Variants in TMEM67 observed in about 807,000 individuals in gnomAD.
TMEM67 encodes meckelin.
A neutral mutation model predicts 136.6 loss-of-function variants in TMEM67; 124 were observed. That is an observed-to-expected ratio of 0.91 (90% confidence interval 0.78 to 1.05). The LOEUF is 1.05. Among genes scored for constraint, TMEM67 ranks in the 50% least tolerant of loss-of-function variants. The pLI, the probability that TMEM67 is intolerant of heterozygous loss-of-function variation, is 0.00. For synonymous variants in TMEM67, 364 were observed against 390.5 expected (o/e 0.93, Z 0.80); for missense variants, 1,107 against 1,178.4 (o/e 0.94, Z 0.89).
chr8:93,816,265 T>C, intron 27 of TMEM67, 107 bp from the exon 28 acceptor site: 1 of 549,478 alleles, frequency 1.8e-6, no homozygotes, highest in Non-Finnish European at 3.3e-6. Flanking sequence ...ACCTGATACA[T>C]GAAAATAGTT....
chr8:93,827,033 G>C, the TMEM67 span, among the ~76,000 whole-genome samples: 18 of 152,232 alleles, frequency 1.2e-4, no homozygotes, highest in East Asian at 3.1e-3. Context: ...GTTTCACCAT[G>C]TTGGCCAGGC....
At chr8:93,762,432 A>G (rs1303457667) in intron 3 of TMEM67, among the ~76,000 whole-genome samples, 1 of 150,776 alleles carries the variant, frequency 6.6e-6, no homozygotes, top group African/African-American at 2.4e-5. Context: ...CCTGACCTCA[A>G]GCAGTCCTCC....
chr8:93,824,245 T>C, the TMEM67 span, among the ~76,000 whole-genome samples: 1 of 152,188 alleles, frequency 6.6e-6, no homozygotes, highest in African/African-American at 2.4e-5. Flanking sequence ...GTTTGCATGG[T>C]GCTTTGATTT....
At chr8:93,783,160 GT>G (rs1813925452) in intron 11 of TMEM67, among the ~76,000 whole-genome samples, 1 of 152,032 alleles carries the variant, frequency 6.6e-6, no homozygotes, top group African/African-American at 2.4e-5. Flanking sequence ...TAATTCTTGT[GT>G]TTTGCATAGA....
chr8:93,809,699 A>G lies in TMEM67; in HGVS notation c.2662-86A>G, dbSNP rs1451036447. 7.4e-6 allele frequency: 6 copies of G among 812,240 alleles called. No individual in the cohort carries two copies. In the African/African-American group the frequency reaches 8.6e-5, roughly 12 times the overall value. The allele number at this position is 812,240 out of a possible 1,614,324, so 50.3% of individuals were successfully genotyped here. On this transcript the variant is annotated intron_variant, in intron 25 of 27. Transcript: ENST00000453321. ...TTTCTTTATATACTATTCATTTTTC[A>G]TTTTCTCTCCTGCTGATTTTACATT...
intron 16 of TMEM67, among the ~76,000 whole-genome samples, chr8:93,793,766 C>T (rs1814488679): frequency 6.6e-6 from 1 of 152,078 alleles, no homozygotes; most frequent in South Asian, 2.1e-4. Flanking sequence ...ATAGTAACCC[C>T]TTTTTGGTTT....
At chr8:93,779,674 G>T (rs539791778) in intron 7 of TMEM67, among the ~76,000 whole-genome samples, 1 of 152,152 alleles carries the variant, frequency 6.6e-6, no homozygotes, top group Non-Finnish European at 1.5e-5. Flanking sequence ...CACTCCAGAC[G>T]CTGTTTTCCT....
At position 93,763,940 on chromosome 8, in the gene TMEM67, A is replaced by T; in HGVS notation, c.505A>T (p.Arg169Trp). 4 of 1,601,872 alleles carry T rather than the reference A, an allele frequency of 2.5e-6. No homozygotes were observed. Among genetic ancestry groups the T allele is most frequent in the Non-Finnish European group, 3.4e-6 (4 of 1,168,976 alleles). The change falls in exon 4 of 28, where the codon AGG becomes TGG. Residue 169 changes from arginine (R) to tryptophan (W), a missense_variant and splice_region_variant. By Grantham distance (101) the Arg-to-Trp change is moderately radical (BLOSUM62 -3). Transcript: ENST00000453321. ...SFMVVNALGD[R>W]CVRCEPTFVN... ...TATGGTAGTAAATGCTTTAGGAGACAGGTAAGCAGTGTGATGGGGGCTAAC... is the reference window on the plus strand; with the variant it reads ...TATGGTAGTAAATGCTTTAGGAGACTGGTAAGCAGTGTGATGGGGGCTAAC...
intron 23 of TMEM67, among the ~76,000 whole-genome samples, chr8:93,805,084 C>G (rs1349009579): frequency 1.3e-5 from 2 of 152,038 alleles, no homozygotes; most frequent in African/African-American, 2.4e-5. Flanking sequence ...GTGATCCTCC[C>G]GTCTCAGCTT....
chr8:93,765,798 C>A, intron 6 of TMEM67, 152 bp downstream of exon 6: 1 of 689,448 alleles, frequency 1.5e-6, no homozygotes. Flanking sequence ...AATAATTCAG[C>A]AGTATAATTT....
chr8:93,763,836 G>C lies in TMEM67; in HGVS notation c.407-6G>C, dbSNP rs1271174081. On this transcript the variant is annotated splice_region_variant and splice_polypyrimidine_tract_variant and intron_variant, in intron 3 of 27. Coordinates refer to ENST00000453321, the MANE Select transcript of TMEM67 (RefSeq NM_153704.6). ...TACATCTTTATTTTGTTTCTAAACT[G>C]TTCAGTGGAAAGAGACATTAATGGA... is the stretch of plus-strand genomic sequence containing the variant. 1 of 1,600,160 alleles carries C rather than the reference G, an allele frequency of 6.2e-7. No homozygotes were observed. The highest frequency in any genetic ancestry group is 8.6e-7 in the Non-Finnish European group (1 of 1,167,536).
chr8:93,791,774 T>C (rs1332403141), intron 15 of TMEM67: 1 of 153,000 alleles, frequency 6.5e-6, no homozygotes, highest in Non-Finnish European at 1.5e-5. Flanking sequence ...AGTGATGCTA[T>C]AATAATAAAT....
chr8:93,793,178 A>G lies in TMEM67; in HGVS notation c.1576-20A>G, dbSNP rs1397119713. On this transcript the variant is annotated intron_variant, in intron 15 of 27. Transcript: ENST00000453321. ...ATGACAGAAATTACATAAATTCTCAATTGTTCTTTTGTTTTTTAGATTGCT... is the reference window on the plus strand; with the variant it reads ...ATGACAGAAATTACATAAATTCTCAGTTGTTCTTTTGTTTTTTAGATTGCT... 1.2e-6 allele frequency: 2 copies of G among 1,603,958 alleles called. No homozygotes were observed. Among genetic ancestry groups the G allele is most frequent in the Non-Finnish European group, 1.7e-6 (2 of 1,170,842 alleles).
intron 18 of TMEM67, among the ~76,000 whole-genome samples, chr8:93,796,212 T>G (rs886176492): frequency 1.4e-4 from 21 of 152,236 alleles, no homozygotes; most frequent in Non-Finnish European, 2.2e-4. Flanking sequence ...TTTGTATGGC[T>G]TATTTGATAA....
Position 93,781,643 on chromosome 8 carries a change from GT to G in TMEM67, c.979-11del. On this transcript the variant is annotated splice_polypyrimidine_tract_variant and intron_variant, in intron 9 of 27. Transcript: ENST00000453321. ...CAGAGTATTTGACCTGATTTTGCTC[GT>G]TTTCTTTAATCAGAATACAAAACTG... The G allele has an allele frequency of 6.9e-7, 1 of 1,447,934 alleles. No homozygotes were observed. Among genetic ancestry groups the G allele is most frequent in the Non-Finnish European group, 9.6e-7 (1 of 1,040,460 alleles). 89.7% of individuals were successfully genotyped at this position (1,447,934 alleles called of 1,614,324 possible).
intron 2 of TMEM67, chr8:93,756,767 A>C (rs1288445382): frequency 1.3e-5 from 2 of 152,180 alleles, no homozygotes; most frequent in Non-Finnish European, 2.9e-5. Flanking sequence ...TGTTTAAGTT[A>C]TTGTAATTTT....
At position 93,782,718 on chromosome 8, in the gene TMEM67, CAT is replaced by C. The variant is rs1417586927; in HGVS notation, c.1131+259_1131+260del. ...CCTCCCGAGTAGCTGGAATTACAGA[CAT>C]GTGCCACCACGCCCAGCTAATTTTT... On this transcript the variant is annotated intron_variant, in intron 11 of 27. Transcript: ENST00000453321. 5.3e-5 allele frequency among the ~76,000 whole-genome samples: 8 copies of C among 151,608 alleles called. No individual in the cohort carries two copies. In the East Asian group the frequency reaches 1.2e-3, roughly 22 times the overall value.
intron 10 of TMEM67, among the ~76,000 whole-genome samples, chr8:93,782,179 G>T (rs931212012): frequency 6.6e-6 from 1 of 152,086 alleles, no homozygotes; most frequent in Non-Finnish European, 1.5e-5. Flanking sequence ...CTCCCAAAGC[G>T]CTGGGATTGC....
At chr8:93,783,015 C>A (rs1180289364) in intron 11 of TMEM67, among the ~76,000 whole-genome samples, 1 of 150,474 alleles carries the variant, frequency 6.6e-6, no homozygotes, top group Admixed American at 6.6e-5. Context: ...GACAGAGTCT[C>A]GCTCTGTTGC....
Sources: gnomAD v4.1 joint callset for allele counts (sites outside exome capture counted in the v4.1 genomes callset) on GRCh38, gnomAD v4.1.1 for gene constraint, MANE v1.5 for transcripts, NCBI Gene and HGNC (gene_info 2026-07-23, HGNC 2026-07-21) for gene names.